The following EPB41L4B variants were observed in gnomAD, a reference collection of about 807,000 sequenced individuals.
EPB41L4B encodes erythrocyte membrane protein band 4.1 like 4B, also known as band 4.1-like protein 4B.
In EPB41L4B, 30 loss-of-function variants were observed where a neutral mutation model predicts 112.5. The observed-to-expected ratio is 0.27, with a 90% confidence interval of 0.20 to 0.36. The LOEUF (loss-of-function observed/expected upper bound fraction) is 0.36, where lower values mean the gene tolerates loss of function less well. EPB41L4B is among the 10% of genes least tolerant of loss of function. The pLI is 1.00. For synonymous variants in EPB41L4B, 408 were observed against 439.7 expected (o/e 0.93, Z 0.90); for missense variants, 1,024 against 1,133.3 (o/e 0.90, Z 1.38).
intron 1 of EPB41L4B, among the ~76,000 whole-genome samples, chr9:109,281,727 A>C (rs1836063711): frequency 1.0e-5 from 1 of 99,924 alleles, no homozygotes; most frequent in African/African-American, 3.8e-5. Context: ...TAAATAAATT[A>C]ATTAATTAAT....
intron 1 of EPB41L4B, among the ~76,000 whole-genome samples, chr9:109,284,340 A>G (rs1184401896): frequency 6.6e-6 from 1 of 152,248 alleles, no homozygotes; most frequent in Non-Finnish European, 1.5e-5. Context: ...CAGAATCCTT[A>G]GTCAAACCAC....
chr9:109,226,878 C>T (rs1165252530), intron 15 of EPB41L4B, among the ~76,000 whole-genome samples: 1 of 150,882 alleles, frequency 6.6e-6, no homozygotes, highest in East Asian at 1.9e-4. Context: ...CCCTCTGTTG[C>T]CCAGGCAAGA....
chr9:109,314,504 C>T (rs1164605020), intron 1 of EPB41L4B, among the ~76,000 whole-genome samples: 1 of 152,018 alleles, frequency 6.6e-6, no homozygotes, highest in African/African-American at 2.4e-5. Context: ...AGGCTGCGGC[C>T]CCTTCCCCCT....
intron 2 of EPB41L4B, among the ~76,000 whole-genome samples, chr9:109,275,986 G>A (rs370830146): frequency 7.5e-4 from 114 of 151,168 alleles, no homozygotes; most frequent in African/African-American, 2.5e-3. Context: ...AAGAATCACC[G>A]AGTTAAGAGG....
chr9:109,319,642 C>A (rs1335072184), intron 1 of EPB41L4B, among the ~76,000 whole-genome samples: 2 of 152,212 alleles, frequency 1.3e-5, no homozygotes, highest in African/African-American at 4.8e-5. Flanking sequence ...GAGCAGCAAG[C>A]GAGGGGATCT....
chr9:109,307,640 C>T (rs1403775530), intron 1 of EPB41L4B, among the ~76,000 whole-genome samples: 2 of 152,240 alleles, frequency 1.3e-5, no homozygotes, highest in Non-Finnish European at 2.9e-5. Context: ...AATAAAAGGA[C>T]TCCAGTCGGT....
intron 2 of EPB41L4B, among the ~76,000 whole-genome samples, chr9:109,273,070 T>G (rs1564310848): frequency 6.6e-6 from 1 of 151,904 alleles, no homozygotes; most frequent in Non-Finnish European, 1.5e-5. Flanking sequence ...CCCTATAAAC[T>G]CACTTAACAC....
chr9:109,192,188 CAG>C, intron 22 of EPB41L4B, 88 bp downstream of exon 22: 1 of 1,028,530 alleles, frequency 9.7e-7, no homozygotes, highest in East Asian at 2.5e-5. Flanking sequence ...GGCTCCTCAA[CAG>C]CAATGCCCAC....
intron 4 of EPB41L4B, among the ~76,000 whole-genome samples, chr9:109,265,453 T>C (rs1390439750): frequency 6.6e-6 from 1 of 152,160 alleles, no homozygotes; most frequent in African/African-American, 2.4e-5. Flanking sequence ...AACAAAAAGT[T>C]TGCAGCTGAT....
At chr9:109,232,155 C>T (rs978794916) in intron 15 of EPB41L4B, among the ~76,000 whole-genome samples, 1 of 152,068 alleles carries the variant, frequency 6.6e-6, no homozygotes, top group Non-Finnish European at 1.5e-5. Flanking sequence ...CCACACCTGG[C>T]TAATTTTTGT....
Position 109,192,747 on chromosome 9 carries a change from C to G in EPB41L4B, c.2224-392G>C, listed in dbSNP as rs56208660. ...TCCAGGAGCTAAACTGATCTGCACA[C>G]TAAGAGCAATGATCTTCATGGCAGG... On this transcript the variant is annotated intron_variant, in intron 21 of 25. Coordinates refer to ENST00000374566, the MANE Select transcript of EPB41L4B (RefSeq NM_019114.5). Among the ~76,000 whole-genome samples, 727 of 152,328 alleles carry G rather than the reference C, an allele frequency of 4.8e-3. 3 individuals carry two copies. Among genetic ancestry groups the G allele is most frequent in the Non-Finnish European group, 7.6e-3 (514 of 68,032 alleles).
chr9:109,278,951 C>T (rs772937506), intron 2 of EPB41L4B, among the ~76,000 whole-genome samples: 11 of 152,182 alleles, frequency 7.2e-5, no homozygotes, highest in Non-Finnish European at 1.3e-4. Context: ...GTGAACAGTT[C>T]TGTCTCAGGC....
intron 23 of EPB41L4B, among the ~76,000 whole-genome samples, chr9:109,184,622 ACT>A (rs1832189978): frequency 6.6e-6 from 1 of 152,152 alleles, no homozygotes; most frequent in African/African-American, 2.4e-5. Context: ...CAACAATTAC[ACT>A]CTGTGTTGCT....
Position 109,320,508 on chromosome 9 carries a change from TGC to T in EPB41L4B, c.-64_-63del. On this transcript the variant is annotated 5_prime_UTR_variant, in exon 1 of 26. Transcript: ENST00000374566. ...CTGCCGCTGCCGCTGCCGCTGCCGC[TGC>T]GCCGCCGCCCGGGAGCGTCCCGCGA... 1.6e-5 allele frequency: 14 copies of T among 862,326 alleles called. No homozygotes were observed. The highest frequency in any genetic ancestry group is 1.9e-5 in the Non-Finnish European group (14 of 720,826). 53.4% of individuals were successfully genotyped at this position (862,326 alleles called of 1,614,324 possible). A position where few individuals can be genotyped will look rare whatever the true frequency, so the allele number is the denominator to read the frequency against.
chr9:109,172,323 A>C lies in EPB41L4B; in HGVS notation c.*2231T>G, dbSNP rs971263236. The C allele has an allele frequency of 1.3e-5, 2 of 152,234 alleles. No individual in the cohort carries two copies. The highest frequency in any genetic ancestry group is 2.4e-5 in the African/African-American group (1 of 41,438). 9.4% of individuals were successfully genotyped at this position (152,234 alleles called of 1,614,324 possible). ...CAGAAGCCTCAGAAAGCAGGTTAGA[A>C]GAGGAAGAGGGTGCTGGGTTGGCAA... On this transcript the variant is annotated 3_prime_UTR_variant, in exon 26 of 26. Transcript: ENST00000374566.
chr9:109,289,469 G>A (rs927669202), intron 1 of EPB41L4B, among the ~76,000 whole-genome samples: 4 of 151,676 alleles, frequency 2.6e-5, no homozygotes, highest in Non-Finnish European at 4.4e-5. Flanking sequence ...TTGCTTCTCT[G>A]CCAGCTGACA....
chr9:109,286,219 G>A (rs570134156), intron 1 of EPB41L4B, among the ~76,000 whole-genome samples: 1 of 149,142 alleles, frequency 6.7e-6, no homozygotes, highest in East Asian at 1.9e-4. Flanking sequence ...ATGGATGGAT[G>A]GGTGGATGGA....
At chr9:109,302,953 C>A (rs1406511829) in intron 1 of EPB41L4B, among the ~76,000 whole-genome samples, 2 of 151,792 alleles carry the variant, frequency 1.3e-5, no homozygotes, top group African/African-American at 4.8e-5. Flanking sequence ...CAGTAGCATG[C>A]GCCTGCAGTC....
intron 15 of EPB41L4B, among the ~76,000 whole-genome samples, chr9:109,242,279 G>A (rs946684765): frequency 2.6e-5 from 4 of 152,288 alleles, no homozygotes; most frequent in African/African-American, 9.6e-5. Context: ...AGTAGGTCTG[G>A]GGTGGGGCTG....
Sources: allele counts gnomAD v4.1 joint callset (sites outside exome capture counted in the v4.1 genomes callset), GRCh38; gene constraint gnomAD v4.1.1; transcripts MANE v1.5; gene names NCBI Gene and HGNC (gene_info 2026-07-23, HGNC 2026-07-21).